RB1CC1: variants seen among roughly 807,000 people sequenced by gnomAD.
RB1CC1 encodes the protein RB1-inducible coiled-coil protein 1.
A neutral mutation model predicts 177.5 loss-of-function variants in RB1CC1; 46 were observed. That is an observed-to-expected ratio of 0.26 (90% CI 0.20 to 0.33). The LOEUF (loss-of-function observed/expected upper bound fraction) is 0.33, where lower values mean the gene tolerates loss of function less well. Among genes scored for constraint, RB1CC1 ranks in the 10% least tolerant of loss-of-function variants. The pLI, the probability that RB1CC1 is intolerant of heterozygous loss-of-function variation, is 1.00. For synonymous variants in RB1CC1, 666 were observed against 613.6 expected, an observed-to-expected ratio of 1.09 and a Z score of -1.26; for missense variants, 1,703 against 1,816.3, an observed-to-expected ratio of 0.94 and a Z score of 1.13.
At position 52,656,993 on chromosome 8, in the gene RB1CC1, A is replaced by T. The variant is rs1851135389; in HGVS notation, c.2836T>A (p.Cys946Ser). The change falls in exon 15 of 24, where the codon TGT becomes AGT. Residue 946 changes from cysteine to serine, a missense_variant. Cys to Ser is a moderately radical substitution (Grantham distance 112). Around this residue, in one of 6 missense-constraint regions of RB1CC1, gnomAD observed 1,169 missense variants for 1,184.7 expected, o/e 0.99. Coordinates refer to ENST00000025008, the MANE Select transcript of RB1CC1 (RefSeq NM_014781.5). ...EMENIMHSQN[C>S]EIKELKQSRE... ...GACTGCTTCAGTTCTTTAATTTCAC[A>T]ATTTTGAGAGTGCATTATATTTTCC... is the stretch of plus-strand genomic sequence containing the variant. 2 of 1,613,696 alleles carry T rather than the reference A, an allele frequency of 1.2e-6. No homozygotes were observed. Among genetic ancestry groups the T allele is most frequent in the African/African-American group, 2.7e-5 (2 of 75,002 alleles).
chr8:52,640,154 TA>T (rs1168106750), intron 18 of RB1CC1, among the ~76,000 whole-genome samples: 1 of 152,112 alleles, frequency 6.6e-6, no homozygotes, highest in African/African-American at 2.4e-5. Context: ...TTCATATTTA[TA>T]AAAAAACCTA....
chr8:52,699,769 A>C (rs1260444349), intron 1 of RB1CC1, among the ~76,000 whole-genome samples: 2 of 131,670 alleles, frequency 1.5e-5, no homozygotes, highest in Non-Finnish European at 1.6e-5. Context: ...CAGTGAGCCG[A>C]GATTCTGCCA....
intron 1 of RB1CC1, among the ~76,000 whole-genome samples, chr8:52,703,075 A>C (rs1377281270): frequency 6.6e-6 from 1 of 152,146 alleles, no homozygotes; most frequent in Non-Finnish European, 1.5e-5. Flanking sequence ...GCTAATTTTC[A>C]GCAGTTTCTT....
intron 1 of RB1CC1, among the ~76,000 whole-genome samples, chr8:52,699,830 A>AAAATATAT (rs1554557119): frequency 2.2e-4 from 6 of 26,720 alleles, no homozygotes; most frequent in Non-Finnish European, 3.8e-4. Flanking sequence ...AAAAAAAAAA[A>AAAATATAT]ATATATATAT....
intron 5 of RB1CC1, among the ~76,000 whole-genome samples, chr8:52,682,007 C>T (rs1245003914): frequency 6.6e-6 from 1 of 152,178 alleles, no homozygotes; most frequent in Admixed American, 6.5e-5. Context: ...CACGGTCCTC[C>T]AGACCCCAGA....
intron 12 of RB1CC1, 76 bp downstream of exon 12, chr8:52,660,520 G>T: frequency 7.5e-7 from 1 of 1,329,774 alleles, no homozygotes; most frequent in Non-Finnish European, 1.0e-6. Context: ...GCAAGTTTCT[G>T]ATAAATGTCT....
intron 15 of RB1CC1, among the ~76,000 whole-genome samples, chr8:52,647,082 G>A (rs770645506): frequency 2.0e-5 from 3 of 152,072 alleles, no homozygotes; most frequent in Non-Finnish European, 2.9e-5. Flanking sequence ...TGTTTCTTAT[G>A]TAATTTCCTC....
chr8:52,694,590 G>A (rs1325537620), intron 1 of RB1CC1, among the ~76,000 whole-genome samples: 1 of 152,190 alleles, frequency 6.6e-6, no homozygotes. Flanking sequence ...GAAAGTGTGT[G>A]CCTCTTCCTC....
chr8:52,698,668 TG>T (rs376211445), intron 1 of RB1CC1, among the ~76,000 whole-genome samples: 226 of 6,284 alleles, frequency 0.036, 53 homozygotes, highest in East Asian at 0.076. Flanking sequence ...ATGTAATGGT[TG>T]GTTTTTTTTT....
At chr8:52,624,003 T>G in intron 23 of RB1CC1, 144 bp from the exon 24 acceptor site, 1 of 627,758 alleles carries the variant, frequency 1.6e-6, no homozygotes, top group Non-Finnish European at 2.8e-6. Flanking sequence ...ATCATATTAC[T>G]CATTGCTGAG....
Position 52,630,460 on chromosome 8 carries a change from A to G in RB1CC1, c.4499+10T>C. On this transcript the variant is annotated intron_variant, in intron 21 of 23. Coordinates refer to ENST00000025008, the MANE Select transcript of RB1CC1 (RefSeq NM_014781.5). ...TCACAGAAAAATACTCACAAAACTA[A>G]AATACTTACTCTCTAATAGCTATCT... The G allele has an allele frequency of 2.5e-6, 4 of 1,570,826 alleles. No individual in the cohort carries two copies. Among genetic ancestry groups the G allele is most frequent in the Non-Finnish European group, 3.4e-6 (4 of 1,163,158 alleles).
intron 1 of RB1CC1, among the ~76,000 whole-genome samples, chr8:52,697,521 A>G (rs1855542636): frequency 6.6e-6 from 1 of 152,190 alleles, no homozygotes; most frequent in South Asian, 2.1e-4. Context: ...TTGTAGTAAC[A>G]GAAAATGAAC....
In RB1CC1 at chr8:52,623,579, C is replaced by G. The variant is rs1001996467; in HGVS notation, c.*203G>C. 10 of 579,752 alleles carry G rather than the reference C, an allele frequency of 1.7e-5. No individual in the cohort carries two copies. The highest frequency in any genetic ancestry group is 2.8e-5 in the Non-Finnish European group (9 of 316,772). 35.9% of individuals were successfully genotyped at this position (579,752 alleles called of 1,614,324 possible). On this transcript the variant is annotated 3_prime_UTR_variant, in exon 24 of 24. Transcript: ENST00000025008. ...AAAAAAAAAACCAAAAAACAAAAAC[C>G]ATTTTAATTCAGCCAAGGATTCTGA...
rs779104550 is a variant in RB1CC1, at chr8:52,657,177, T to C, written c.2652A>G (p.Glu884=). 1 of 1,606,284 alleles carries C rather than the reference T, an allele frequency of 6.2e-7. No homozygotes were observed. The highest frequency in any genetic ancestry group is 8.5e-7 in the Non-Finnish European group (1 of 1,173,900). The change falls in exon 15 of 24, where the codon GAA becomes GAG. Residue 884 remains glutamate, a synonymous_variant. Transcript: ENST00000025008. ...YEGKLDGLIK[E]TEENENKIKK... ...TAATTTTGTTTTCATTCTCTTCAGT[T>C]TCCTTTATTAGTCCGTCAAGTTTAC... is the stretch of plus-strand genomic sequence containing the variant.
In RB1CC1 at chr8:52,642,740, A is replaced by G; in HGVS notation, c.4060T>C (p.Leu1354=). The G allele has an allele frequency of 6.3e-7, 1 of 1,582,344 alleles. No individual in the cohort carries two copies. The highest frequency in any genetic ancestry group is 8.5e-7 in the Non-Finnish European group (1 of 1,171,042). The change falls in exon 17 of 24, where the codon TTG becomes CTG. Residue 1354 remains leucine (L), a synonymous_variant. Coordinates refer to ENST00000025008, the MANE Select transcript of RB1CC1 (RefSeq NM_014781.5). ...ENIINDLSDK[L]KSTMQQQERD... ...TCTTGTTGCTGCATTGTACTTTTCA[A>G]CTTATCACTAAGATCATTTATTATG...
chr8:52,642,277 T>C (rs1167042512), intron 18 of RB1CC1, 74 bp downstream of exon 18: 6 of 1,515,254 alleles, frequency 4.0e-6, no homozygotes, highest in Non-Finnish European at 4.4e-6. Flanking sequence ...GCTAAAAATA[T>C]TTCCTCTCTT....
intron 7 of RB1CC1, among the ~76,000 whole-genome samples, chr8:52,670,313 A>G (rs1453048024): frequency 6.6e-6 from 1 of 152,262 alleles, no homozygotes; most frequent in Non-Finnish European, 1.5e-5. Flanking sequence ...AATGTTTTAA[A>G]TTACATATAT....
At chr8:52,707,021 G>T (rs1235189925) in intron 1 of RB1CC1, among the ~76,000 whole-genome samples, 1 of 152,086 alleles carries the variant, frequency 6.6e-6, no homozygotes, top group Non-Finnish European at 1.5e-5. Flanking sequence ...ATGAGATTTG[G>T]AATCAAAAGA....
chr8:52,669,534 T>C (rs1046576367), intron 7 of RB1CC1, among the ~76,000 whole-genome samples: 2 of 152,188 alleles, frequency 1.3e-5, no homozygotes, highest in Admixed American at 6.5e-5. Flanking sequence ...GAATCCAGTG[T>C]AGTTAAGAGG....
Sources: gnomAD v4.1 joint callset for allele counts (sites outside exome capture counted in the v4.1 genomes callset) on GRCh38, gnomAD v4.1.1 for gene constraint, gnomAD v4.1.1 regional missense constraint, MANE v1.5 for transcripts, NCBI Gene and HGNC (gene_info 2026-07-23, HGNC 2026-07-21) for gene names.